PPP1R42: variants seen among roughly 807,000 people sequenced by gnomAD.
PPP1R42 encodes leucine rich repeat containing 67.
In PPP1R42, 34 loss-of-function variants were observed where a neutral mutation model predicts 31.0. That is an observed-to-expected ratio of 1.10 (90% CI 0.83 to 1.46). The LOEUF is 1.46. Among genes scored for constraint, PPP1R42 ranks in the 40% most tolerant of loss-of-function variants. The probability of loss-of-function intolerance (pLI) is 0.00; values close to 1 mark genes in which losing one functional copy is unlikely to be tolerated. For synonymous variants in PPP1R42, 103 were observed against 109.8 expected, an observed-to-expected ratio of 0.94 and a Z score of 0.39; for missense variants, 268 against 303.0, an observed-to-expected ratio of 0.88 and a Z score of 0.86.
intron 7 of PPP1R42, among the ~76,000 whole-genome samples, chr8:66,972,449 G>T (rs1814562457): frequency 6.6e-6 from 1 of 152,050 alleles, no homozygotes; most frequent in South Asian, 2.1e-4. Flanking sequence ...GAATGCAGTG[G>T]CACAATCTCG....
At chr8:67,020,460 T>C (rs199932423) in intron 1 of PPP1R42, among the ~76,000 whole-genome samples, 2 of 152,140 alleles carry the variant, frequency 1.3e-5, no homozygotes, top group East Asian at 3.9e-4. Flanking sequence ...CTCAGCCTCC[T>C]AAAGTGCCGG....
rs936617526 is a variant in PPP1R42, at chr8:66,984,281, C to T, written c.671-2101G>A. 3.3e-5 allele frequency: 46 copies of T among 1,385,132 alleles called. No homozygotes were observed. In the African/African-American group the frequency reaches 4.1e-4, roughly 12 times the overall value. The allele number at this position is 1,385,132 out of a possible 1,614,324, so 85.8% of individuals were successfully genotyped here. Reference sequence around the variant, plus strand: ...AAGCTCCGGTCTTTGGCTGTACCCTCCCAGAATAGTACACATTTGTTGGTT... The same window carrying T: ...AAGCTCCGGTCTTTGGCTGTACCCTTCCAGAATAGTACACATTTGTTGGTT... On this transcript the variant is annotated intron_variant, in intron 6 of 7. Transcript: ENST00000685739.
At chr8:66,981,969 T>C in intron 7 of PPP1R42, 80 bp downstream of exon 7, 1 of 1,247,308 alleles carries the variant, frequency 8.0e-7, no homozygotes, top group Non-Finnish European at 1.0e-6. Flanking sequence ...AAAACTATTT[T>C]ATTTGTTGGC....
At chr8:66,966,622 A>G (rs1563410793) in intron 7 of PPP1R42, among the ~76,000 whole-genome samples, 1 of 151,860 alleles carries the variant, frequency 6.6e-6, no homozygotes, top group Non-Finnish European at 1.5e-5. Flanking sequence ...CATCTCTACT[A>G]AAAACACAAA....
chr8:66,987,783 AC>A (rs1815068529), intron 6 of PPP1R42, among the ~76,000 whole-genome samples: 2 of 152,174 alleles, frequency 1.3e-5, no homozygotes, highest in African/African-American at 4.8e-5. Flanking sequence ...GGACTGGGTA[AC>A]CTAAAAAACA....
chr8:66,966,514 G>A (rs775038761), intron 7 of PPP1R42, among the ~76,000 whole-genome samples: 9 of 152,132 alleles, frequency 5.9e-5, no homozygotes, highest in Admixed American at 2.6e-4. Flanking sequence ...GGCTGGGTGC[G>A]GTGGTTCACG....
intron 1 of PPP1R42, among the ~76,000 whole-genome samples, chr8:67,025,499 T>C (rs1032475054): frequency 6.6e-6 from 1 of 151,716 alleles, no homozygotes; most frequent in African/African-American, 2.4e-5. Context: ...TGAATGGCCA[T>C]GCTATTTTGT....
Position 67,025,727 on chromosome 8 carries a change from G to A in PPP1R42, c.-85+2764C>T, listed in dbSNP as rs982310037. On this transcript the variant is annotated intron_variant, in intron 1 of 7. Transcript: ENST00000685739. ...TAAGTTAGAAAAAGGACAGTAGGCC[G>A]GGTGCGGTGGCTCATGCCTGTAATC... Among the ~76,000 whole-genome samples, 11 of 152,138 alleles carry A rather than the reference G, an allele frequency of 7.2e-5. No homozygotes were observed. The East Asian group carries it at 1.2e-3, about 16-fold the overall frequency.
intron 7 of PPP1R42, among the ~76,000 whole-genome samples, chr8:66,980,074 C>T (rs1321342970): frequency 1.3e-5 from 2 of 151,990 alleles, no homozygotes; most frequent in Non-Finnish European, 2.9e-5. Context: ...CCCTTCACAG[C>T]CAGCCAGGAA....
chr8:66,999,456 G>A (rs1397329242), intron 5 of PPP1R42, among the ~76,000 whole-genome samples: 6 of 152,142 alleles, frequency 3.9e-5, no homozygotes, highest in African/African-American at 1.4e-4. Context: ...CCTGACCTCA[G>A]GTGATCCTCC....
At chr8:67,016,094 A>G (rs913989251) in intron 2 of PPP1R42, among the ~76,000 whole-genome samples, 4 of 152,176 alleles carry the variant, frequency 2.6e-5, no homozygotes, top group African/African-American at 9.7e-5. Flanking sequence ...AACAAAAGAG[A>G]AACATTAGGT....
intron 1 of PPP1R42, among the ~76,000 whole-genome samples, chr8:67,019,589 C>T (rs2129537116): frequency 1.3e-5 from 2 of 151,988 alleles, no homozygotes; most frequent in African/African-American, 4.8e-5. Context: ...AAAAAAGGCC[C>T]TCGAGGAATA....
intron 1 of PPP1R42, among the ~76,000 whole-genome samples, chr8:67,024,532 G>A (rs1408869201): frequency 6.7e-6 from 1 of 149,990 alleles, no homozygotes; most frequent in African/African-American, 2.5e-5. Context: ...CTGGAGTGCA[G>A]TGGTGCATCC....
In PPP1R42 at chr8:66,993,050, T is replaced by C. The variant is rs1815237277; in HGVS notation, c.553-4533A>G. 2.6e-5 allele frequency among the ~76,000 whole-genome samples: 4 copies of C among 152,176 alleles called. No homozygotes were observed. In the South Asian group the frequency reaches 8.3e-4, roughly 32 times the overall value. ...TCAAACCCTACACTACCAAAACTCA[T>C]TATCTCTCAAACTTGACTCTTGACT... On this transcript the variant is annotated intron_variant, in intron 5 of 7. Coordinates refer to ENST00000685739, the MANE Select transcript of PPP1R42 (RefSeq NM_001364910.1).
intron 7 of PPP1R42, among the ~76,000 whole-genome samples, chr8:66,970,262 C>A (rs191452408): frequency 2.0e-5 from 3 of 152,122 alleles, no homozygotes; most frequent in Non-Finnish European, 4.4e-5. Context: ...TCCAAAGTAG[C>A]TGGGACTATA....
At chr8:67,003,794 GA>G (rs1815583643) in intron 5 of PPP1R42, among the ~76,000 whole-genome samples, 1 of 152,070 alleles carries the variant, frequency 6.6e-6, no homozygotes, top group Non-Finnish European at 1.5e-5. Flanking sequence ...GTAGTATTAA[GA>G]GATAGGCCTT....
intron 6 of PPP1R42, among the ~76,000 whole-genome samples, chr8:66,982,622 A>AT (rs1054187925): frequency 1.3e-5 from 2 of 151,872 alleles, no homozygotes; most frequent in Non-Finnish European, 2.9e-5. Flanking sequence ...ATCCCCAGCT[A>AT]TTTTTTTGTA....
intron 6 of PPP1R42, chr8:66,983,998 A>G: frequency 1.2e-6 from 1 of 861,884 alleles, no homozygotes; most frequent in Non-Finnish European, 1.9e-6. Flanking sequence ...AGGGAGCAAG[A>G]TATTCTCCCT....
chr8:67,003,969 A>G (rs767137876), intron 5 of PPP1R42, among the ~76,000 whole-genome samples: 11 of 152,174 alleles, frequency 7.2e-5, no homozygotes, highest in Non-Finnish European at 1.6e-4. Context: ...GGGCGCCTGT[A>G]GTCCCAGCTA....
Sources: gnomAD v4.1 joint callset for allele counts (sites outside exome capture counted in the v4.1 genomes callset) on GRCh38, gnomAD v4.1.1 for gene constraint, MANE v1.5 for transcripts, NCBI Gene and HGNC (gene_info 2026-07-23, HGNC 2026-07-21) for gene names.